KRIT1: variants seen among roughly 807,000 people sequenced by gnomAD.
The protein encoded by KRIT1 is krev interaction trapped protein 1.
A neutral mutation model predicts 95.8 loss-of-function variants in KRIT1; 45 were observed. The ratio of observed to expected loss-of-function variants is 0.47; its 90% CI spans 0.37 to 0.60. The LOEUF (loss-of-function observed/expected upper bound fraction) is 0.60, where lower values mean the gene tolerates loss of function less well. Among genes scored for constraint, KRIT1 ranks in the 20% least tolerant of loss-of-function variants. The probability of loss-of-function intolerance (pLI) is 0.00; values close to 1 mark genes in which losing one functional copy is unlikely to be tolerated. For synonymous variants in KRIT1, 282 were observed against 278.8 expected, an observed-to-expected ratio of 1.01 and a Z score of -0.11; for missense variants, 788 against 877.5, an observed-to-expected ratio of 0.90 and a Z score of 1.29.
At chr7:92,228,241 G>GCT (rs1347487477) in intron 10 of KRIT1, among the ~76,000 whole-genome samples, 51 of 152,304 alleles carry the variant, frequency 3.3e-4, no homozygotes, top group African/African-American at 1.1e-3. Context: ...AGTAAGCAAA[G>GCT]GTCTCAGAAG....
chr7:92,221,809 G>A, intron 14 of KRIT1, 93 bp downstream of exon 14: 6 of 1,015,922 alleles, frequency 5.9e-6, no homozygotes, highest in Non-Finnish European at 9.0e-6. Flanking sequence ...TCGATTTAAG[G>A]ATGTAAGCAC....
intron 12 of KRIT1, among the ~76,000 whole-genome samples, chr7:92,223,396 T>C (rs1192899642): frequency 1.3e-5 from 2 of 150,086 alleles, no homozygotes; most frequent in African/African-American, 2.5e-5. Flanking sequence ...TGAGCTGAGA[T>C]TGCGCGACTG....
In KRIT1 at chr7:92,226,545, T is replaced by A. The variant is rs747246677; in HGVS notation, c.1127A>T (p.Asn376Ile). ...GHAEIVQILL[N>I]HPETDRHITD... is the part of the protein sequence containing the mutation. ...ACTTACTCTATCCGTTTCTGGGTGG[T>A]TTAGGAGAATCTGTACTATTTCAGC... The change falls in exon 11 of 19, where the codon AAC becomes ATC. Residue 376 changes from asparagine (N) to isoleucine (I), a missense_variant. Coordinates refer to ENST00000394505, the MANE Select transcript of KRIT1 (RefSeq NM_194454.3). 3.3e-5 allele frequency: 53 copies of A among 1,612,516 alleles called. No homozygotes were observed. Among genetic ancestry groups the A allele is most frequent in the Non-Finnish European group, 4.1e-5 (48 of 1,178,790 alleles).
At chr7:92,241,988 G>A (rs761591739) in intron 4 of KRIT1, 46 bp downstream of exon 4, 8 of 991,356 alleles carry the variant, frequency 8.1e-6, no homozygotes, top group Non-Finnish European at 1.3e-5. Context: ...TGATAATACA[G>A]AATGACATTC....
chr7:92,208,907 C>G (rs760994116), intron 17 of KRIT1, among the ~76,000 whole-genome samples: 1 of 151,924 alleles, frequency 6.6e-6, no homozygotes, highest in African/African-American at 2.4e-5. Flanking sequence ...AAACAAGAGT[C>G]CAACAGTCCT....
At chr7:92,244,446 T>G (rs998197883) in intron 2 of KRIT1, among the ~76,000 whole-genome samples, 1 of 152,242 alleles carries the variant, frequency 6.6e-6, no homozygotes, top group Non-Finnish European at 1.5e-5. Context: ...GACATAACTA[T>G]GACAGTAACA....
chr7:92,231,258 G>T (rs1433336515), intron 10 of KRIT1, among the ~76,000 whole-genome samples: 1 of 151,712 alleles, frequency 6.6e-6, no homozygotes, highest in Non-Finnish European at 1.5e-5. Context: ...AGTAAAGAAT[G>T]GTTTTTACAT....
rs35350895 is a variant in KRIT1, at chr7:92,235,633, G to A, written c.499C>T (p.Arg167Cys). 7.1e-5 allele frequency: 114 copies of A among 1,613,500 alleles called. No individual in the cohort carries two copies. Among genetic ancestry groups the A allele is most frequent in the Non-Finnish European group, 9.3e-5 (110 of 1,179,848 alleles). Residue 167 changes from arginine (R) to cysteine (C), a missense_variant, in exon 8 of 19, where the codon CGT (arginine) becomes TGT (cysteine). This residue lies in a region of KRIT1 where 289 missense variants were observed against 277.5 expected (regional missense o/e 1.04). Coordinates refer to ENST00000394505, the MANE Select transcript of KRIT1 (RefSeq NM_194454.3). ...GGAATAAAGTGAGATTGTGCATGAC[G>A]TTCATCTAACCACCTGGCAAAATAA... ...LIALDKWLDE[R>C]HAQSHFIPAL...
At chr7:92,201,606 T>A in intron 17 of KRIT1, 183 bp from the exon 18 acceptor site, 1 of 557,428 alleles carries the variant, frequency 1.8e-6, no homozygotes, top group East Asian at 3.2e-5. Context: ...TACATAGACA[T>A]ACACATGCCA....
intron 5 of KRIT1, among the ~76,000 whole-genome samples, chr7:92,239,317 G>A (rs1270732090): frequency 6.6e-6 from 1 of 152,126 alleles, no homozygotes; most frequent in Non-Finnish European, 1.5e-5. Flanking sequence ...TAGTGGCTGA[G>A]CTTATTTAAT....
At chr7:92,219,443 C>T (rs562210467) in intron 14 of KRIT1, among the ~76,000 whole-genome samples, 4 of 152,240 alleles carry the variant, frequency 2.6e-5, no homozygotes, top group Non-Finnish European at 2.9e-5. Flanking sequence ...AAAAGTCTAC[C>T]GGCTGTATAT....
At chr7:92,243,903 T>C (rs1800256990) in intron 3 of KRIT1, 99 bp downstream of exon 3, 1 of 152,194 alleles carries the variant, frequency 6.6e-6, no homozygotes, top group African/African-American at 2.4e-5. Flanking sequence ...CATTTCATTG[T>C]GTGAAAGGTT....
intron 3 of KRIT1, among the ~76,000 whole-genome samples, chr7:92,243,031 G>A (rs1418340981): frequency 6.6e-6 from 1 of 152,126 alleles, no homozygotes; most frequent in East Asian, 1.9e-4. Context: ...TGTTGGCCAG[G>A]CTGGTCTCAA....
At chr7:92,229,796 C>A (rs1429724584) in intron 10 of KRIT1, among the ~76,000 whole-genome samples, 2 of 152,178 alleles carry the variant, frequency 1.3e-5, no homozygotes, top group Non-Finnish European at 1.5e-5. Context: ...AGCCTGGAAG[C>A]TCCTTGAGGA....
At chr7:92,218,876 T>TCATGCTTTTGTTGTC (rs1584846085) in intron 14 of KRIT1, among the ~76,000 whole-genome samples, 1 of 152,242 alleles carries the variant, frequency 6.6e-6, no homozygotes, top group African/African-American at 2.4e-5. Context: ...CTTTTGTTGT[T>TCATGCTTTTGTTGTC]CATGCTTTTG....
At chr7:92,218,265 G>C (rs754270746) in intron 14 of KRIT1, among the ~76,000 whole-genome samples, 7 of 151,774 alleles carry the variant, frequency 4.6e-5, no homozygotes, top group Non-Finnish European at 7.4e-5. Context: ...AAACTTTTTT[G>C]TAGAGACAGG....
In KRIT1 at chr7:92,234,611, T is replaced by A; in HGVS notation, c.846-19A>T. On this transcript the variant is annotated intron_variant, in intron 9 of 18. Coordinates refer to ENST00000394505, the MANE Select transcript of KRIT1 (RefSeq NM_194454.3). The stretch of plus-strand genomic sequence containing the variant: ...TCGTTCCCTAATCATTAAAAAGAAA[T>A]TTTGAAAAATACAACAGGACTGTAA... The A allele has an allele frequency of 1.9e-6, 3 of 1,604,890 alleles. No individual in the cohort carries two copies. The highest frequency in any genetic ancestry group is 2.6e-6 in the Non-Finnish European group (3 of 1,171,698).
chr7:92,207,889 A>G (rs1388120655), intron 17 of KRIT1, among the ~76,000 whole-genome samples: 1 of 152,172 alleles, frequency 6.6e-6, no homozygotes, highest in African/African-American at 2.4e-5. Flanking sequence ...ATAAATAAAT[A>G]AATGGATCTA....
chr7:92,242,142 A>G lies in KRIT1; in HGVS notation c.-2-5T>C. ...TGTTTTCTGGATTTCCCATTGCTTT[A>G]CAAAACAAATAAAAAAATCCTTTGA... On this transcript the variant is annotated splice_region_variant and splice_polypyrimidine_tract_variant and intron_variant, in intron 3 of 18. Transcript: ENST00000394505. 1 of 1,510,360 alleles carries G rather than the reference A, an allele frequency of 6.6e-7. No homozygotes were observed. Among genetic ancestry groups the G allele is most frequent in the Non-Finnish European group, 9.2e-7 (1 of 1,086,288 alleles). 93.6% of individuals were successfully genotyped at this position (1,510,360 alleles called of 1,614,324 possible).
Sources: allele counts gnomAD v4.1 joint callset (sites outside exome capture counted in the v4.1 genomes callset), GRCh38; gene constraint gnomAD v4.1.1; regional missense constraint gnomAD v4.1.1; transcripts MANE v1.5; gene names NCBI Gene and HGNC (gene_info 2026-07-23, HGNC 2026-07-21).